Variants in TMTC3 observed in about 807,000 individuals in gnomAD.
TMTC3 encodes the protein transmembrane O-mannosyltransferase targeting cadherins 3.
A neutral mutation model predicts 92.2 loss-of-function variants in TMTC3; 52 were observed. The ratio of observed to expected loss-of-function variants is 0.56; its 90% CI spans 0.45 to 0.71. TMTC3 has a LOEUF of 0.71. TMTC3 is among the 30% of genes least tolerant of loss of function. TMTC3 has a pLI of 0.00. For synonymous variants in TMTC3, 339 were observed against 363.3 expected (o/e 0.93, Z 0.76); for missense variants, 896 against 1,057.1 (o/e 0.85, Z 2.11).
intron 9 of TMTC3, among the ~76,000 whole-genome samples, chr12:88,174,958 C>A (rs1274939502): frequency 6.6e-6 from 1 of 152,084 alleles, no homozygotes; most frequent in East Asian, 1.9e-4. Flanking sequence ...AAATGCTATA[C>A]AGTTATTGGA....
chr12:88,161,753 C>G (rs1414456371), intron 6 of TMTC3, among the ~76,000 whole-genome samples: 14 of 151,178 alleles, frequency 9.3e-5, no homozygotes, highest in Non-Finnish European at 5.9e-5. Context: ...AGAACATCCT[C>G]TGCTTATCAC....
At chr12:88,173,622 A>C (rs891508707) in intron 8 of TMTC3, among the ~76,000 whole-genome samples, 1 of 152,142 alleles carries the variant, frequency 6.6e-6, no homozygotes, top group Non-Finnish European at 1.5e-5. Context: ...TTCACACCGC[A>C]TGTGTTCCAC....
chr12:88,174,407 A>C (rs901655236), intron 8 of TMTC3, among the ~76,000 whole-genome samples, 200 bp from the exon 9 acceptor site: 22 of 152,234 alleles, frequency 1.4e-4, no homozygotes, highest in Middle Eastern at 6.8e-3. Flanking sequence ...AATGTAATTG[A>C]CTGGAAGGTC....
chr12:88,153,531 CTT>C (rs761666446), intron 3 of TMTC3, 22 bp downstream of exon 3: 2 of 1,421,082 alleles, frequency 1.4e-6, no homozygotes, highest in South Asian at 1.2e-5. Context: ...TATGAACTGA[CTT>C]TTTTTCTTTT....
rs185913836 is a variant in TMTC3, at chr12:88,196,186, G to A, written c.*537G>A. On this transcript the variant is annotated 3_prime_UTR_variant, in exon 14 of 14. Coordinates refer to ENST00000266712, the MANE Select transcript of TMTC3 (RefSeq NM_181783.4). ...TTGAGTTTTAGAAGGAATGCTTGAT[G>A]AAACATTTTAAAATAAGTCATGACA... is the stretch of plus-strand genomic sequence containing the variant. The A allele has an allele frequency of 1.3e-5, 2 of 152,394 alleles. No homozygotes were observed. Among genetic ancestry groups the A allele is most frequent in the African/African-American group, 4.8e-5 (2 of 41,532 alleles). 9.4% of individuals were successfully genotyped at this position (152,394 alleles called of 1,614,324 possible).
At chr12:88,144,827 C>A (rs1219068749) in intron 1 of TMTC3, among the ~76,000 whole-genome samples, 1 of 152,194 alleles carries the variant, frequency 6.6e-6, no homozygotes, top group African/African-American at 2.4e-5. Context: ...AAATTTAACT[C>A]AGGTTCTAGT....
intron 4 of TMTC3, among the ~76,000 whole-genome samples, chr12:88,157,606 C>T (rs906614181): frequency 6.6e-6 from 1 of 151,964 alleles, no homozygotes; most frequent in African/African-American, 2.4e-5. Context: ...TATATTATTA[C>T]TTGTCTCTCT....
At position 88,162,325 on chromosome 12, in the gene TMTC3, T is replaced by G. The variant is rs191593785; in HGVS notation, c.797+1474T>G. ...TTCTTGTGCTTAGGTAAACTGAGCT[T>G]CTTGAAATCTGTAGATTTTAATTTT... On this transcript the variant is annotated intron_variant, in intron 6 of 13. Transcript: ENST00000266712. Among the ~76,000 whole-genome samples the G allele has an allele frequency of 4.2e-3, 642 of 152,280 alleles. 3 individuals are homozygous for G. The highest frequency in any genetic ancestry group is 0.017 in the Middle Eastern group (5 of 294).
chr12:88,166,609 T>C (rs2041146538), intron 7 of TMTC3, 27 bp downstream of exon 7: 1 of 1,593,750 alleles, frequency 6.3e-7, no homozygotes, highest in Non-Finnish European at 8.5e-7. Flanking sequence ...AACTTCCAAA[T>C]GATGTTAACA....
At chr12:88,166,953 A>G (rs1028178764) in intron 7 of TMTC3, among the ~76,000 whole-genome samples, 2 of 149,130 alleles carry the variant, frequency 1.3e-5, no homozygotes, top group Non-Finnish European at 3.0e-5. Flanking sequence ...TCCCTTAGAT[A>G]GCTTTCACTA....
chr12:88,165,417 A>C (rs2041132574), intron 6 of TMTC3, among the ~76,000 whole-genome samples: 1 of 152,086 alleles, frequency 6.6e-6, no homozygotes. Flanking sequence ...TTTATCTGAA[A>C]AATAATATGT....
chr12:88,154,705 T>G (rs1006687726), intron 4 of TMTC3, among the ~76,000 whole-genome samples: 16 of 152,196 alleles, frequency 1.1e-4, no homozygotes, highest in African/African-American at 1.2e-4. Context: ...TGATATAGAT[T>G]CCAGTATTTC....
At chr12:88,171,309 T>C (rs2041202125) in intron 7 of TMTC3, among the ~76,000 whole-genome samples, 1 of 152,156 alleles carries the variant, frequency 6.6e-6, no homozygotes, top group East Asian at 1.9e-4. Context: ...TTTTATTTAT[T>C]TAATTTGTAT....
In TMTC3 at chr12:88,199,723, TA is replaced by T. The variant is rs1365274058; in HGVS notation, c.*4077del. Reference sequence around the variant, plus strand: ...CAGGGAGGTAGCATAAAATGAAAGATAAAGTCTGAAGACTGGATCCAGGCAA... The same window carrying T: ...CAGGGAGGTAGCATAAAATGAAAGATAAGTCTGAAGACTGGATCCAGGCAA... On this transcript the variant is annotated 3_prime_UTR_variant, in exon 14 of 14. Coordinates refer to ENST00000266712, the MANE Select transcript of TMTC3 (RefSeq NM_181783.4). 1 of 152,184 alleles carries T rather than the reference TA, an allele frequency of 6.6e-6. No homozygotes were observed. Among genetic ancestry groups the T allele is most frequent in the Non-Finnish European group, 1.5e-5 (1 of 68,020 alleles). 9.4% of individuals were successfully genotyped at this position (152,184 alleles called of 1,614,324 possible). A position where few individuals can be genotyped will look rare whatever the true frequency, so the allele number is the denominator to read the frequency against.
intron 13 of TMTC3, among the ~76,000 whole-genome samples, chr12:88,193,857 G>A (rs183893697): frequency 5.9e-5 from 9 of 152,164 alleles, no homozygotes; most frequent in Middle Eastern, 3.4e-3. Context: ...TGTACTATAA[G>A]GTTTGTAATT....
chr12:88,179,661 C>T (rs961548203), intron 10 of TMTC3, among the ~76,000 whole-genome samples: 2 of 152,064 alleles, frequency 1.3e-5, no homozygotes, highest in African/African-American at 4.8e-5. Context: ...GGCTAGGAGA[C>T]TGCACAGCTT....
chr12:88,197,140 T>TATG lies in TMTC3; in HGVS notation c.*1492_*1494dup. 6.6e-6 allele frequency: 1 copy of TATG among 152,266 alleles called. No individual in the cohort carries two copies. Among genetic ancestry groups the TATG allele is most frequent in the East Asian group, 1.9e-4 (1 of 5,178 alleles). The allele number at this position is 152,266 out of a possible 1,614,324, so 9.4% of individuals were successfully genotyped here. ...TTGAGATAACTAATTTCTAATTATA[T>TATG]ATGTTTCAAAAACCATATCCTGTAT... On this transcript the variant is annotated 3_prime_UTR_variant, in exon 14 of 14. Transcript: ENST00000266712.
At chr12:88,194,106 C>T (rs2041476329) in intron 13 of TMTC3, among the ~76,000 whole-genome samples, 1 of 152,004 alleles carries the variant, frequency 6.6e-6, no homozygotes, top group Non-Finnish European at 1.5e-5. Flanking sequence ...CCTGTAGTCC[C>T]AGCTACTCGG....
intron 12 of TMTC3, among the ~76,000 whole-genome samples, chr12:88,192,021 T>C (rs1038348989): frequency 7.6e-6 from 1 of 131,926 alleles, no homozygotes. Flanking sequence ...TTTCTTTTTT[T>C]TTTTTTCTTT....
Sources: allele counts gnomAD v4.1 joint callset (sites outside exome capture counted in the v4.1 genomes callset), GRCh38; gene constraint gnomAD v4.1.1; transcripts MANE v1.5; gene names NCBI Gene and HGNC (gene_info 2026-07-23, HGNC 2026-07-21).